The following ROCK2 variants were observed in gnomAD, a reference collection of about 807,000 sequenced individuals.
ROCK2 encodes Rho associated coiled-coil containing protein kinase 2.
Under a neutral mutation model 195.1 loss-of-function variants are expected in ROCK2, and 61 were observed. The ratio of observed to expected loss-of-function variants is 0.31; its 90% confidence interval spans 0.25 to 0.39. ROCK2 has a LOEUF of 0.39. Ranked by LOEUF, ROCK2 falls within the 10% of genes least tolerant of loss-of-function variation. ROCK2 has a pLI of 1.00. For synonymous variants in ROCK2, 504 were observed against 545.5 expected, an observed-to-expected ratio of 0.92 and a Z score of 1.06; for missense variants, 1,109 against 1,637.4, an observed-to-expected ratio of 0.68 and a Z score of 5.57.
chr2:11,340,286 G>A (rs1245377824), intron 1 of ROCK2, among the ~76,000 whole-genome samples: 1 of 152,144 alleles, frequency 6.6e-6, no homozygotes, highest in Non-Finnish European at 1.5e-5. Context: ...TACATCAAGA[G>A]GAATGACTAG....
At chr2:11,338,037 T>C (rs1334244862) in intron 1 of ROCK2, among the ~76,000 whole-genome samples, 1 of 152,142 alleles carries the variant, frequency 6.6e-6, no homozygotes, top group African/African-American at 2.4e-5. Context: ...AAAACTTTCA[T>C]AACAACTGTA....
At chr2:11,330,736 A>AGGGG in intron 1 of ROCK2, among the ~76,000 whole-genome samples, 1 of 15,592 alleles carries the variant, frequency 6.4e-5, no homozygotes, top group Non-Finnish European at 2.5e-4. Context: ...AGGGAAGATG[A>AGGGG]GGAGGGAGGA....
intron 1 of ROCK2, among the ~76,000 whole-genome samples, chr2:11,336,643 A>G (rs1400543538): frequency 6.6e-6 from 1 of 152,230 alleles, no homozygotes; most frequent in African/African-American, 2.4e-5. Flanking sequence ...AGCAAATTTA[A>G]AAGTCCAACT....
In ROCK2 at chr2:11,221,303, T is replaced by C. The variant is rs1664629779; in HGVS notation, c.1154A>G (p.Asp385Gly). The C allele has an allele frequency of 6.3e-7, 1 of 1,592,422 alleles. No homozygotes were observed. The highest frequency in any genetic ancestry group is 1.3e-5 in the African/African-American group (1 of 74,178). Residue 385 changes from aspartate (D) to glycine (G), a missense_variant, in exon 9 of 33, where the codon GAT (aspartate) becomes GGT (glycine). Asp to Gly is a moderately conservative substitution (Grantham distance 94). Around this residue, in one of 6 missense-constraint regions of ROCK2, gnomAD observed 253 missense variants for 455.5 expected, o/e 0.56. Coordinates refer to ENST00000315872, the MANE Select transcript of ROCK2 (RefSeq NM_004850.5). ...ATCTCCTTTGTCATCTTCAATGTCA[T>C]CGAAATTGCTGCTGTCTATGTCACT... ...LSSDIDSSNF[D>G]DIEDDKGDVE...
At chr2:11,207,222 T>C (rs1278809160) in intron 20 of ROCK2, among the ~76,000 whole-genome samples, 13 of 152,190 alleles carry the variant, frequency 8.5e-5, no homozygotes, top group Admixed American at 8.5e-4. Context: ...CCCAAGTAGC[T>C]GGAACTACAG....
At chr2:11,247,755 C>T (rs1488678514) in intron 4 of ROCK2, among the ~76,000 whole-genome samples, 1 of 152,206 alleles carries the variant, frequency 6.6e-6, no homozygotes, top group Non-Finnish European at 1.5e-5. Flanking sequence ...CGCAGAGGCT[C>T]ATGCCTGTAA....
At chr2:11,237,947 C>T (rs530876908) in intron 4 of ROCK2, among the ~76,000 whole-genome samples, 8 of 152,094 alleles carry the variant, frequency 5.3e-5, no homozygotes, top group South Asian at 2.1e-4. Flanking sequence ...GGAATGGTGG[C>T]GCATGCCGTA....
chr2:11,343,307 T>C (rs6709854), intron 1 of ROCK2, among the ~76,000 whole-genome samples: 3,490 of 152,278 alleles, frequency 0.023, 137 homozygotes, highest in African/African-American at 0.079. Flanking sequence ...TAGCAGCCTT[T>C]ACGGTGCTAT....
intron 1 of ROCK2, among the ~76,000 whole-genome samples, chr2:11,298,388 T>C (rs1667600924): frequency 6.8e-6 from 1 of 147,828 alleles, no homozygotes; most frequent in Non-Finnish European, 1.5e-5. Flanking sequence ...GAGCATCACT[T>C]GAGCCTGGGA....
intron 1 of ROCK2, among the ~76,000 whole-genome samples, chr2:11,326,773 C>A (rs1308727106): frequency 6.6e-6 from 1 of 152,040 alleles, no homozygotes; most frequent in African/African-American, 2.4e-5. Flanking sequence ...CAGCCTGAGG[C>A]AGCATGAGGA....
intron 3 of ROCK2, among the ~76,000 whole-genome samples, chr2:11,252,739 G>T (rs1260783763): frequency 6.6e-6 from 1 of 152,048 alleles, no homozygotes; most frequent in African/African-American, 2.4e-5. Flanking sequence ...CTCATAAGTG[G>T]GAGTTGAACA....
chr2:11,333,860 A>C (rs1668842160), intron 1 of ROCK2, among the ~76,000 whole-genome samples: 1 of 152,222 alleles, frequency 6.6e-6, no homozygotes, highest in Admixed American at 6.5e-5. Flanking sequence ...ACCAGAAAAA[A>C]GTTAAGGAGA....
chr2:11,319,079 C>T (rs1300974300), intron 1 of ROCK2, among the ~76,000 whole-genome samples: 1 of 152,108 alleles, frequency 6.6e-6, no homozygotes, highest in African/African-American at 2.4e-5. Flanking sequence ...ATTGACTTGG[C>T]AATGTGGGCT....
At chr2:11,269,913 G>T (rs1182107282) in intron 3 of ROCK2, among the ~76,000 whole-genome samples, 4 of 152,066 alleles carry the variant, frequency 2.6e-5, no homozygotes, top group African/African-American at 9.7e-5. Flanking sequence ...ACCACATATG[G>T]CTAATTATTT....
chr2:11,335,070 T>C (rs917898436), intron 1 of ROCK2, among the ~76,000 whole-genome samples: 5 of 150,004 alleles, frequency 3.3e-5, no homozygotes, highest in Non-Finnish European at 7.4e-5. Flanking sequence ...TTATTGACAA[T>C]GAACTAAAAA....
chr2:11,190,380 A>G (rs1205074399), intron 32 of ROCK2, among the ~76,000 whole-genome samples: 2 of 151,746 alleles, frequency 1.3e-5, no homozygotes, highest in Admixed American at 1.3e-4. Context: ...AAAAAAAAAA[A>G]AAGTAACAAA....
At chr2:11,196,819 A>T (rs1663654953) in intron 27 of ROCK2, among the ~76,000 whole-genome samples, 1 of 152,198 alleles carries the variant, frequency 6.6e-6, no homozygotes, top group South Asian at 2.1e-4. Flanking sequence ...GAACGCTGGT[A>T]GGTGAATGAC....
chr2:11,321,080 G>A (rs971328381), intron 1 of ROCK2, among the ~76,000 whole-genome samples: 56 of 152,282 alleles, frequency 3.7e-4, no homozygotes, highest in African/African-American at 1.3e-3. Flanking sequence ...TTGAGGTACT[G>A]TACTCAAAAG....
At chr2:11,221,437 TATTA>T in intron 8 of ROCK2, 80 bp from the exon 9 acceptor site, 1 of 988,990 alleles carries the variant, frequency 1.0e-6, no homozygotes, top group Non-Finnish European at 1.4e-6. Context: ...ATGTATTATT[TATTA>T]TTTAATAACA....
Sources: gnomAD v4.1 joint callset for allele counts (sites outside exome capture counted in the v4.1 genomes callset) on GRCh38, gnomAD v4.1.1 for gene constraint, gnomAD v4.1.1 regional missense constraint, MANE v1.5 for transcripts, NCBI Gene and HGNC (gene_info 2026-07-23, HGNC 2026-07-21) for gene names.